ZFAND3: variants seen among roughly 807,000 people sequenced by gnomAD.
ZFAND3 encodes zinc finger AN1-type containing 3, also known as AN1-type zinc finger protein 3.
Under a neutral mutation model 29.6 loss-of-function variants are expected in ZFAND3, and 10 were observed. The observed-to-expected ratio is 0.34, with a 90% confidence interval of 0.21 to 0.57. ZFAND3 has a LOEUF of 0.57. ZFAND3 is among the 20% of genes least tolerant of loss of function. The pLI, the probability that ZFAND3 is intolerant of heterozygous loss-of-function variation, is 0.86. For missense variants in ZFAND3, 230 were observed against 304.5 expected (o/e 0.76, Z 1.82); for synonymous variants, 128 against 112.6 (o/e 1.14, Z -0.87).
chr6:37,844,069 C>T (rs1478110019), intron 1 of ZFAND3, among the ~76,000 whole-genome samples: 1 of 151,950 alleles, frequency 6.6e-6, no homozygotes, highest in African/African-American at 2.4e-5. Flanking sequence ...AAGACCACCA[C>T]GCCTGGCTTT....
intron 2 of ZFAND3, among the ~76,000 whole-genome samples, chr6:37,981,728 G>A (rs1230314334): frequency 6.6e-6 from 1 of 152,162 alleles, no homozygotes; most frequent in African/African-American, 2.4e-5. Context: ...GTCAACATGA[G>A]TTGTGTAAAC....
In ZFAND3 at chr6:37,930,009, G is replaced by C. The variant is rs752305997; in HGVS notation, c.112+10G>C. 1.3e-6 allele frequency: 2 copies of C among 1,566,488 alleles called. No individual in the cohort carries two copies. The highest frequency in any genetic ancestry group is 3.7e-5 in the Admixed American group (2 of 54,668). Reference sequence around the variant, plus strand: ...TCCAAATGCTTTGCTGGTAAGTGCAGAAAAAGGGTTTTTTAATTTACTTTC... The same window carrying C: ...TCCAAATGCTTTGCTGGTAAGTGCACAAAAAGGGTTTTTTAATTTACTTTC... On this transcript the variant is annotated intron_variant, in intron 2 of 5. Coordinates refer to ENST00000287218, the MANE Select transcript of ZFAND3 (RefSeq NM_021943.3).
chr6:37,928,236 G>A (rs1761526206), intron 1 of ZFAND3, among the ~76,000 whole-genome samples: 1 of 152,160 alleles, frequency 6.6e-6, no homozygotes, highest in Non-Finnish European at 1.5e-5. Context: ...CAAACAATCA[G>A]CATCAGAGAA....
At chr6:38,106,193 C>T (rs1380823433) in intron 4 of ZFAND3, among the ~76,000 whole-genome samples, 1 of 151,766 alleles carries the variant, frequency 6.6e-6, no homozygotes, top group Non-Finnish European at 1.5e-5. Flanking sequence ...CTCTCACTGC[C>T]CAGTCTGGAG....
chr6:38,037,204 T>C (rs1377332088), intron 2 of ZFAND3, among the ~76,000 whole-genome samples: 2 of 152,334 alleles, frequency 1.3e-5, no homozygotes, highest in South Asian at 2.1e-4. Context: ...TAAGGTATAA[T>C]GAATGGGTAA....
chr6:37,891,593 TAATA>T lies in ZFAND3; in HGVS notation c.72-38350_72-38347del, dbSNP rs553817148. Among the ~76,000 whole-genome samples the T allele has an allele frequency of 2.0e-3, 267 of 131,128 alleles. 1 individual carries two copies. Among genetic ancestry groups the T allele is most frequent in the African/African-American group, 6.8e-3 (250 of 36,870 alleles). The allele number at this position is 131,128 out of a possible 152,430, so 86.0% of individuals were successfully genotyped here. A position where few individuals can be genotyped will look rare whatever the true frequency, so the allele number is the denominator to read the frequency against. ...CTCCAGCCTGGGCTAAATAAATAAA[TAATA>T]AATAAATAAATAAATCATAGAACAA... On this transcript the variant is annotated intron_variant, in intron 1 of 5. Transcript: ENST00000287218.
At chr6:38,149,264 A>G (rs1267457532) in intron 5 of ZFAND3, among the ~76,000 whole-genome samples, 1 of 152,036 alleles carries the variant, frequency 6.6e-6, no homozygotes, top group African/African-American at 2.4e-5. Context: ...GTATAAAAAA[A>G]CAGCTAGGTG....
At chr6:37,870,035 A>G (rs1412139389) in intron 1 of ZFAND3, among the ~76,000 whole-genome samples, 1 of 151,968 alleles carries the variant, frequency 6.6e-6, no homozygotes, top group Non-Finnish European at 1.5e-5. Flanking sequence ...TTCTCTCAGT[A>G]CTGCTTTAGT....
chr6:38,011,621 G>A (rs1763154842), intron 2 of ZFAND3, among the ~76,000 whole-genome samples: 1 of 152,104 alleles, frequency 6.6e-6, no homozygotes, highest in African/African-American at 2.4e-5. Context: ...AAGTACCAAG[G>A]AGGAAGAAAG....
chr6:37,830,056 CTAAA>C (rs1349955606), intron 1 of ZFAND3, among the ~76,000 whole-genome samples: 1 of 152,162 alleles, frequency 6.6e-6, no homozygotes. Flanking sequence ...CCAAATTTAC[CTAAA>C]TAGTTTTCAT....
chr6:38,077,705 G>A (rs1342465297), intron 3 of ZFAND3, among the ~76,000 whole-genome samples: 2 of 152,172 alleles, frequency 1.3e-5, no homozygotes, highest in Admixed American at 1.3e-4. Flanking sequence ...AGTCGTCACA[G>A]CTATTTTAAC....
At chr6:37,910,741 T>G (rs1268453210) in intron 1 of ZFAND3, among the ~76,000 whole-genome samples, 1 of 152,214 alleles carries the variant, frequency 6.6e-6, no homozygotes, top group Non-Finnish European at 1.5e-5. Context: ...CATTCTACTC[T>G]CTGCTTCTGT....
At chr6:37,966,252 G>T (rs1470432398) in intron 2 of ZFAND3, among the ~76,000 whole-genome samples, 1 of 152,180 alleles carries the variant, frequency 6.6e-6, no homozygotes, top group Non-Finnish European at 1.5e-5. Flanking sequence ...ATGACTAAAA[G>T]TCTATACAAA....
At chr6:37,890,589 ATAT>A (rs1765077622) in intron 1 of ZFAND3, among the ~76,000 whole-genome samples, 1 of 152,206 alleles carries the variant, frequency 6.6e-6, no homozygotes, top group East Asian at 1.9e-4. Flanking sequence ...TATATAGTGG[ATAT>A]TATTATTAAT....
chr6:37,842,976 G>T (rs1028908725), intron 1 of ZFAND3, among the ~76,000 whole-genome samples: 2 of 151,944 alleles, frequency 1.3e-5, no homozygotes, highest in Non-Finnish European at 2.9e-5. Context: ...ACAAAAATTA[G>T]CCAGGCGTGG....
intron 2 of ZFAND3, among the ~76,000 whole-genome samples, chr6:38,045,471 A>G (rs1469144737): frequency 6.6e-6 from 1 of 152,192 alleles, no homozygotes; most frequent in African/African-American, 2.4e-5. Flanking sequence ...TGAAATAAGA[A>G]TCTAATCATA....
chr6:37,930,045 C>CTTTTTTTTTTTTT, intron 2 of ZFAND3, 46 bp downstream of exon 2: 1 of 1,163,312 alleles, frequency 8.6e-7, no homozygotes, highest in Non-Finnish European at 1.2e-6. Flanking sequence ...ATTTTTCTTT[C>CTTTTTTTTTTTTT]TTTTTTTTTT....
At chr6:37,916,527 G>T (rs1761257757) in intron 1 of ZFAND3, among the ~76,000 whole-genome samples, 3 of 152,130 alleles carry the variant, frequency 2.0e-5, no homozygotes, top group Non-Finnish European at 4.4e-5. Flanking sequence ...GGGCGTGGTG[G>T]CACGTGCCTG....
At chr6:38,013,174 G>A (rs1214980583) in intron 2 of ZFAND3, among the ~76,000 whole-genome samples, 1 of 152,124 alleles carries the variant, frequency 6.6e-6, no homozygotes, top group East Asian at 1.9e-4. Context: ...ACATTGATTA[G>A]TATATACAAA....
Sources: allele counts gnomAD v4.1 joint callset (sites outside exome capture counted in the v4.1 genomes callset), GRCh38; gene constraint gnomAD v4.1.1; transcripts MANE v1.5; gene names NCBI Gene and HGNC (gene_info 2026-07-23, HGNC 2026-07-21).